The following RAET1L variants were observed in gnomAD, a reference collection of about 807,000 sequenced individuals.
The protein encoded by RAET1L is retinoic acid early transcript 1L.
In RAET1L, 16 loss-of-function variants were observed where a neutral mutation model predicts 23.9. The ratio of observed to expected loss-of-function variants is 0.67; its 90% CI spans 0.45 to 1.02. The LOEUF is 1.02. Among genes scored for constraint, RAET1L ranks in the 50% least tolerant of loss-of-function variants. The pLI is 0.00. For missense variants in RAET1L, 233 were observed against 304.0 expected, an observed-to-expected ratio of 0.77 and a Z score of 1.74; for synonymous variants, 70 against 111.2, an observed-to-expected ratio of 0.63 and a Z score of 2.33.
chr6:150,021,324 T>A (rs1779885282), intron 2 of RAET1L, 138 bp from the exon 3 acceptor site: 1 of 1,135,458 alleles, frequency 8.8e-7, no homozygotes, highest in Non-Finnish European at 1.2e-6. Flanking sequence ...TAAGATGACC[T>A]TCCCATTTGT....
At position 150,025,439 on chromosome 6, in the gene RAET1L, C is replaced by G. The variant is rs1775877684; in HGVS notation, c.33G>C (p.Leu11=). The change falls in exon 1 of 5, where the codon CTG becomes CTC. Residue 11 remains leucine, a synonymous_variant. Transcript: ENST00000367341. ...ACAGCAGGAACAGAAGCGGGAGGCA[C>G]AGAAGCAAAGCTGGGATGGCGGCTG... The part of the protein sequence containing the change: MAAAAIPALL[L]CLPLLFLLFG... 1 of 1,614,034 alleles carries G rather than the reference C, an allele frequency of 6.2e-7. No homozygotes were observed.
chr6:150,019,553 C>T (rs1422736571), intron 4 of RAET1L, among the ~76,000 whole-genome samples: 1 of 137,844 alleles, frequency 7.3e-6, no homozygotes, highest in African/African-American at 2.6e-5. Context: ...GCAGCCTCTA[C>T]TCTTCACCTT....
intron 1 of RAET1L, 54 bp downstream of exon 1, chr6:150,025,333 C>A: frequency 1.3e-6 from 2 of 1,487,656 alleles, no homozygotes; most frequent in East Asian, 2.3e-5. Context: ...CGCTGCAGTC[C>A]ACAGTCCCTC....
chr6:150,018,772 C>T lies in RAET1L; in HGVS notation c.*106G>A, dbSNP rs1434090824. ...CTGCTGGAGGCTGCTGGACATACAC[C>T]GTAGGTGGTGGGCAGCTGGCCAGAC... On this transcript the variant is annotated 3_prime_UTR_variant, in exon 5 of 5. Coordinates refer to ENST00000367341, the MANE Select transcript of RAET1L (RefSeq NM_130900.3). 7.7e-6 allele frequency: 2 copies of T among 259,452 alleles called. No individual in the cohort carries two copies. Among genetic ancestry groups the T allele is most frequent in the East Asian group, 1.4e-4 (1 of 6,986 alleles). 16.1% of individuals were successfully genotyped at this position (259,452 alleles called of 1,614,324 possible).
intron 2 of RAET1L, 79 bp downstream of exon 2, chr6:150,021,901 A>G (rs960187326): frequency 1.3e-6 from 2 of 1,572,456 alleles, no homozygotes; most frequent in Non-Finnish European, 1.7e-6. Context: ...ACCCTTTTGT[A>G]TTTTTACATG....
chr6:150,024,838 G>C (rs1389470100), intron 1 of RAET1L, among the ~76,000 whole-genome samples: 1 of 152,148 alleles, frequency 6.6e-6, no homozygotes, highest in African/African-American at 2.4e-5. Flanking sequence ...TGGATGGTGA[G>C]GGGAGGGGTG....
chr6:150,019,012 A>G (rs560822732), intron 4 of RAET1L, among the ~76,000 whole-genome samples, 157 bp from the exon 5 acceptor site: 3 of 152,006 alleles, frequency 2.0e-5, no homozygotes, highest in Admixed American at 6.5e-5. Flanking sequence ...GCTTGGACCT[A>G]CCTCTTTCCT....
Position 150,019,116 on chromosome 6 carries a change from C to T in RAET1L, c.*23-261G>A, listed in dbSNP as rs115701203. 5.6e-3 allele frequency among the ~76,000 whole-genome samples: 845 copies of T among 152,204 alleles called. 6 individuals are homozygous for T. The highest frequency in any genetic ancestry group is 0.017 in the African/African-American group (710 of 41,522). On this transcript the variant is annotated intron_variant, in intron 4 of 4. Coordinates refer to ENST00000367341, the MANE Select transcript of RAET1L (RefSeq NM_130900.3). Reference sequence around the variant, plus strand: ...GGTCTGAAGCTGGTAGTGATGGGTCCGCTCCCTCACTCAAGGCCCTCTTTA... The same window carrying T: ...GGTCTGAAGCTGGTAGTGATGGGTCTGCTCCCTCACTCAAGGCCCTCTTTA...
At chr6:150,019,303 T>C (rs1779858733) in intron 4 of RAET1L, among the ~76,000 whole-genome samples, 1 of 152,204 alleles carries the variant, frequency 6.6e-6, no homozygotes. Context: ...GCACCCATAG[T>C]TCTGAAGGTG....
intron 1 of RAET1L, among the ~76,000 whole-genome samples, chr6:150,024,354 A>G (rs1448443741): frequency 6.6e-6 from 1 of 152,186 alleles, no homozygotes; most frequent in African/African-American, 2.4e-5. Context: ...GCAACCTAGG[A>G]CAGGGTCCAA....
At chr6:150,019,440 G>C (rs1466126950) in intron 4 of RAET1L, among the ~76,000 whole-genome samples, 1 of 152,188 alleles carries the variant, frequency 6.6e-6, no homozygotes, top group African/African-American at 2.4e-5. Flanking sequence ...CTGGGCTCAG[G>C]ATCTGGGGTG....
Position 150,018,552 on chromosome 6 carries a change from A to AT in RAET1L, c.*325dup, listed in dbSNP as rs1386406432. On this transcript the variant is annotated 3_prime_UTR_variant, in exon 5 of 5. Transcript: ENST00000367341. ...AAATCATCATTCAAAGAAGTACTTG[A>AT]TTTTCCAAACAAAAAGAGAAGAAAG... 1 of 152,346 alleles carries AT rather than the reference A, an allele frequency of 6.6e-6. No individual in the cohort carries two copies. The highest frequency in any genetic ancestry group is 2.4e-5 in the African/African-American group (1 of 41,458). 9.4% of individuals were successfully genotyped at this position (152,346 alleles called of 1,614,324 possible).
intron 1 of RAET1L, among the ~76,000 whole-genome samples, chr6:150,023,948 G>C (rs4242285): frequency 7.2e-5 from 11 of 152,030 alleles, no homozygotes; most frequent in African/African-American, 2.7e-4. Context: ...TGGGCTCCTC[G>C]CCCTCTAGGT....
rs532968589 is a variant in RAET1L at position 150,025,058 on chromosome 6, G to T, written c.85+329C>A. On this transcript the variant is annotated intron_variant, in intron 1 of 4. Transcript: ENST00000367341. ...TCCTGACCCCAGCTCTGTTCCCGGGGGGGCTCTGGTTTCTCCTTCCGAAAG... is the reference window on the plus strand; with the variant it reads ...TCCTGACCCCAGCTCTGTTCCCGGGTGGGCTCTGGTTTCTCCTTCCGAAAG... Among the ~76,000 whole-genome samples, 17 of 152,216 alleles carry T rather than the reference G, an allele frequency of 1.1e-4. No homozygotes were observed. In the South Asian group the frequency reaches 3.3e-3, roughly 30 times the overall value.
chr6:150,023,877 C>A (rs1282751609), intron 1 of RAET1L, among the ~76,000 whole-genome samples: 1 of 152,194 alleles, frequency 6.6e-6, no homozygotes, highest in Non-Finnish European at 1.5e-5. Flanking sequence ...GACAAGGCAC[C>A]AGAATGGAAT....
chr6:150,024,438 C>G (rs1258140365), intron 1 of RAET1L, among the ~76,000 whole-genome samples: 2 of 152,136 alleles, frequency 1.3e-5, no homozygotes, highest in African/African-American at 4.8e-5. Context: ...GACACAGAGA[C>G]GGAGAACCCA....
In RAET1L at chr6:150,020,800, A is replaced by G. The variant is rs570340773; in HGVS notation, c.631+105T>C. Reference sequence around the variant, plus strand: ...GGCCCGACGAGGAGGTCATTTTAACATAAACGTGTACACTGGGATGATTGA... The same window carrying G: ...GGCCCGACGAGGAGGTCATTTTAACGTAAACGTGTACACTGGGATGATTGA... On this transcript the variant is annotated intron_variant, in intron 3 of 4. Transcript: ENST00000367341. 3,614 of 1,548,378 alleles carry G rather than the reference A, an allele frequency of 2.3e-3. 101 individuals carry two copies. In the African/African-American group the frequency reaches 0.046, roughly 20 times the overall value.
chr6:150,019,344 A>T (rs1357530689), intron 4 of RAET1L, among the ~76,000 whole-genome samples: 1 of 151,972 alleles, frequency 6.6e-6, no homozygotes, highest in Admixed American at 6.5e-5. Flanking sequence ...TCCATTCCTT[A>T]TCCAGCCCAG....
intron 3 of RAET1L, 27 bp from the exon 4 acceptor site, chr6:150,020,266 C>A (rs1432061358): frequency 7.7e-6 from 10 of 1,300,672 alleles, no homozygotes; most frequent in South Asian, 1.4e-5. Context: ...AAAGTGACAA[C>A]CCTTGTCCAG....
Sources: gnomAD v4.1 joint callset for allele counts (sites outside exome capture counted in the v4.1 genomes callset) on GRCh38, gnomAD v4.1.1 for gene constraint, MANE v1.5 for transcripts, NCBI Gene and HGNC (gene_info 2026-07-23, HGNC 2026-07-21) for gene names.